IQGAP2: variants seen among roughly 807,000 people sequenced by gnomAD.
IQGAP2 encodes the protein ras GTPase-activating-like protein IQGAP2.
IQGAP2 carries 173 observed loss-of-function variants against 201.3 expected under a neutral mutation model. That is an observed-to-expected ratio of 0.86 (90% CI 0.76 to 0.98). The LOEUF (loss-of-function observed/expected upper bound fraction) is 0.98, where lower values mean the gene tolerates loss of function less well. Among genes scored for constraint, IQGAP2 ranks in the 50% least tolerant of loss-of-function variants. The probability of loss-of-function intolerance (pLI) is 0.00; values close to 1 mark genes in which losing one functional copy is unlikely to be tolerated. For missense variants in IQGAP2, 1,687 were observed against 1,864.8 expected (o/e 0.90, Z 1.76); for synonymous variants, 675 against 673.9 (o/e 1.00, Z -0.03).
At chr5:76,463,351 C>T (rs1754596950) in intron 2 of IQGAP2, among the ~76,000 whole-genome samples, 1 of 152,030 alleles carries the variant, frequency 6.6e-6, no homozygotes, top group Non-Finnish European at 1.5e-5. Flanking sequence ...CCAGCTCCAC[C>T]ACTTACACAA....
At chr5:76,676,350 A>G (rs546856164) in intron 27 of IQGAP2, among the ~76,000 whole-genome samples, 17 of 152,288 alleles carry the variant, frequency 1.1e-4, no homozygotes, top group South Asian at 4.1e-4. Flanking sequence ...ACATGGGAAC[A>G]TGCTCCCCAC....
rs545841077 is a variant in IQGAP2 at position 76,613,367 on chromosome 5, T to C, written c.1521+2184T>C. ...TTATTTGCTTTGAAGATAGACATCATTCAAATCCTGGCTTTGCCACAAATT... is the reference window on the plus strand; with the variant it reads ...TTATTTGCTTTGAAGATAGACATCACTCAAATCCTGGCTTTGCCACAAATT... On this transcript the variant is annotated intron_variant, in intron 13 of 35. Coordinates refer to ENST00000274364, the MANE Select transcript of IQGAP2 (RefSeq NM_006633.5). Among the ~76,000 whole-genome samples, 335 of 152,338 alleles carry C rather than the reference T, an allele frequency of 2.2e-3. 2 individuals are homozygous for C. Among genetic ancestry groups the C allele is most frequent in the Non-Finnish European group, 3.5e-3 (235 of 68,028 alleles).
intron 2 of IQGAP2, among the ~76,000 whole-genome samples, chr5:76,499,289 T>C (rs1398256968): frequency 6.6e-6 from 1 of 152,320 alleles, no homozygotes; most frequent in East Asian, 1.9e-4. Context: ...TCTTCTGAAA[T>C]GTAAGCACCT....
intron 4 of IQGAP2, among the ~76,000 whole-genome samples, chr5:76,572,451 A>G (rs2150274836): frequency 1.3e-5 from 2 of 152,068 alleles, no homozygotes; most frequent in South Asian, 4.2e-4. Flanking sequence ...GGCGTGAGCC[A>G]CTGCACCTGG....
Position 76,557,089 on chromosome 5 carries a change from T to A in IQGAP2, c.147-5307T>A, listed in dbSNP as rs116654229. On this transcript the variant is annotated intron_variant, in intron 2 of 35. Transcript: ENST00000274364. ...TCTATGTCTCCAAGCCGTGGAACTC[T>A]ACCGCTACTCTGGAAGCAGCCCTGC... is the stretch of plus-strand genomic sequence containing the variant. Among the ~76,000 whole-genome samples the A allele has an allele frequency of 3.5e-3, 540 of 152,348 alleles. 6 individuals carry two copies. Among genetic ancestry groups the A allele is most frequent in the African/African-American group, 0.013 (522 of 41,588 alleles).
At chr5:76,512,354 T>A (rs1415934266) in intron 2 of IQGAP2, among the ~76,000 whole-genome samples, 1 of 152,152 alleles carries the variant, frequency 6.6e-6, no homozygotes, top group Non-Finnish European at 1.5e-5. Flanking sequence ...ATTTAAAACC[T>A]TAGGAGGATT....
chr5:76,487,133 C>T (rs1026279029), intron 2 of IQGAP2, among the ~76,000 whole-genome samples: 4 of 144,706 alleles, frequency 2.8e-5, no homozygotes, highest in African/African-American at 1.0e-4. Flanking sequence ...GAGGCTTGCT[C>T]TGTCACCCAG....
chr5:76,411,711 C>A (rs2150071555), intron 1 of IQGAP2, among the ~76,000 whole-genome samples: 1 of 152,330 alleles, frequency 6.6e-6, no homozygotes, highest in East Asian at 1.9e-4. Flanking sequence ...GCCTCCAGAA[C>A]TGTGCGGAAA....
At position 76,683,196 on chromosome 5, in the gene IQGAP2, C is replaced by A. The variant is rs757375290; in HGVS notation, c.3742C>A (p.Pro1248Thr). 4.7e-5 allele frequency: 75 copies of A among 1,611,098 alleles called. No homozygotes were observed. The South Asian group carries it at 8.3e-4, about 18-fold the overall frequency. Residue 1248 changes from proline to threonine, a missense_variant, in exon 29 of 36, where the codon CCA (proline) becomes ACA (threonine). Physicochemically the swap from Pro to Thr is conservative, Grantham distance 38. Transcript: ENST00000274364. The part of the protein sequence containing the change: ...SELLGSLGEV[P>T]TVESFLGEGA... ...ATTGCTGGGGTCGCTGGGAGAGGTG[C>A]CAACCGTGGAATCTTTTCTTGGTAA...
At chr5:76,562,892 G>A (rs1744483794) in intron 3 of IQGAP2, among the ~76,000 whole-genome samples, 1 of 152,166 alleles carries the variant, frequency 6.6e-6, no homozygotes, top group Admixed American at 6.5e-5. Flanking sequence ...TGGCCCTAAA[G>A]AGTTAGGGCC....
chr5:76,673,281 G>T (rs773254942), intron 24 of IQGAP2, among the ~76,000 whole-genome samples, 168 bp from the exon 25 acceptor site: 1 of 152,136 alleles, frequency 6.6e-6, no homozygotes, highest in Admixed American at 6.5e-5. Context: ...GTTGCAGAAG[G>T]TACCCTCTGT....
At chr5:76,614,458 T>C (rs1296309189) in intron 13 of IQGAP2, among the ~76,000 whole-genome samples, 1 of 152,214 alleles carries the variant, frequency 6.6e-6, no homozygotes, top group Non-Finnish European at 1.5e-5. Flanking sequence ...CGATGAATCA[T>C]ATTTGGTTAA....
chr5:76,582,847 ACTTT>A (rs1488578689), intron 5 of IQGAP2, among the ~76,000 whole-genome samples: 2 of 152,260 alleles, frequency 1.3e-5, no homozygotes, highest in African/African-American at 2.4e-5. Flanking sequence ...ATTTTTTAAA[ACTTT>A]CTTTATTGCT....
At chr5:76,645,143 T>G (rs1489004810) in intron 17 of IQGAP2, among the ~76,000 whole-genome samples, 1 of 152,176 alleles carries the variant, frequency 6.6e-6, no homozygotes, top group Non-Finnish European at 1.5e-5. Context: ...AATGATGGTT[T>G]CCAGCTTCAT....
rs746922831 is a variant in IQGAP2 at position 76,600,875 on chromosome 5, A to T, written c.1135A>T (p.Asn379Tyr). The T allele has an allele frequency of 1.2e-6, 2 of 1,614,108 alleles. No individual in the cohort carries two copies. The highest frequency in any genetic ancestry group is 3.3e-5 in the Admixed American group (2 of 59,994). Reference sequence around the variant, plus strand: ...AATGTTGTCTGCTGTTGCTTTACTAAACCAGGCCTTGGAAAGCAACGATCT... The same window carrying T: ...AATGTTGTCTGCTGTTGCTTTACTATACCAGGCCTTGGAAAGCAACGATCT... ...VEMLSAVALL[N>Y]QALESNDLVS... is the part of the protein sequence containing the mutation. Residue 379 changes from asparagine to tyrosine, a missense_variant, in exon 11 of 36, where the codon AAC (asparagine) becomes TAC (tyrosine). Transcript: ENST00000274364.
rs564235753 is a variant in IQGAP2, at chr5:76,420,799, C to T, written c.46+17208C>T. On this transcript the variant is annotated intron_variant, in intron 1 of 35. Transcript: ENST00000274364. ...TCCATTTCTATGAATTTGACTGCTCCAAGTACCTCATGTAAGGGGAATTAT... is the reference window on the plus strand; with the variant it reads ...TCCATTTCTATGAATTTGACTGCTCTAAGTACCTCATGTAAGGGGAATTAT... Among the ~76,000 whole-genome samples the T allele has an allele frequency of 6.6e-5, 10 of 152,310 alleles. 1 individual carries two copies. In the East Asian group the frequency reaches 1.5e-3, roughly 23 times the overall value.
At chr5:76,674,452 G>A (rs1195108742) in intron 26 of IQGAP2, 25 bp from the exon 27 acceptor site, 1 of 1,403,518 alleles carries the variant, frequency 7.1e-7, no homozygotes, top group Non-Finnish European at 1.0e-6. Context: ...CTTAAAAATG[G>A]TCATGCACTT....
intron 2 of IQGAP2, among the ~76,000 whole-genome samples, chr5:76,492,660 C>G (rs947918895): frequency 6.6e-6 from 1 of 151,970 alleles, no homozygotes; most frequent in Non-Finnish European, 1.5e-5. Context: ...GGTTTTGTAA[C>G]TTTGAAGAAA....
chr5:76,684,684 A>G (rs1004714394), intron 30 of IQGAP2, among the ~76,000 whole-genome samples: 34 of 152,218 alleles, frequency 2.2e-4, no homozygotes, highest in African/African-American at 8.2e-4. Flanking sequence ...ATGAGGACAA[A>G]GGGAACAAGT....
Sources: allele counts gnomAD v4.1 joint callset (sites outside exome capture counted in the v4.1 genomes callset), GRCh38; gene constraint gnomAD v4.1.1; transcripts MANE v1.5; gene names NCBI Gene and HGNC (gene_info 2026-07-23, HGNC 2026-07-21).